Variants in CCDC148 observed in about 807,000 individuals in gnomAD.
The protein encoded by CCDC148 is coiled-coil domain containing 148.
A neutral mutation model predicts 85.7 loss-of-function variants in CCDC148; 89 were observed. The ratio of observed to expected loss-of-function variants is 1.04; its 90% CI spans 0.87 to 1.24. The LOEUF (loss-of-function observed/expected upper bound fraction) is 1.24. Ranked by LOEUF, CCDC148 falls within the 50% of genes most tolerant of loss-of-function variation. The pLI is 0.00. For synonymous variants in CCDC148, 230 were observed against 213.9 expected (o/e 1.08, Z -0.66); for missense variants, 692 against 671.7 (o/e 1.03, Z -0.33).
At chr2:158,243,234 C>A (rs1227767513) in intron 10 of CCDC148, among the ~76,000 whole-genome samples, 2 of 152,078 alleles carry the variant, frequency 1.3e-5, no homozygotes, top group Admixed American at 6.6e-5. Context: ...GTCTCTAATA[C>A]CTGGGCTATT....
chr2:158,235,070 C>A (rs1474007787), intron 10 of CCDC148, among the ~76,000 whole-genome samples: 2 of 152,112 alleles, frequency 1.3e-5, no homozygotes, highest in Non-Finnish European at 2.9e-5. Context: ...ACAACAAACA[C>A]CCATGAAACA....
At chr2:158,263,036 C>T (rs938567443) in intron 9 of CCDC148, among the ~76,000 whole-genome samples, 2 of 152,072 alleles carry the variant, frequency 1.3e-5, no homozygotes, top group Non-Finnish European at 2.9e-5. Context: ...ACAGAACACA[C>T]TTCCTTCCAC....
At chr2:158,390,443 GA>G (rs1307546491) in intron 1 of CCDC148, among the ~76,000 whole-genome samples, 2 of 152,088 alleles carry the variant, frequency 1.3e-5, no homozygotes, top group African/African-American at 2.4e-5. Context: ...ATAAAAGTGG[GA>G]AAGTCAAAAA....
intron 7 of CCDC148, among the ~76,000 whole-genome samples, chr2:158,334,813 T>C (rs1693335632): frequency 6.6e-6 from 1 of 152,020 alleles, no homozygotes; most frequent in Non-Finnish European, 1.5e-5. Context: ...AAAAAATATA[T>C]ATATTTATAT....
intron 2 of CCDC148, among the ~76,000 whole-genome samples, chr2:158,348,046 C>T (rs529246111): frequency 2.0e-5 from 3 of 151,986 alleles, no homozygotes; most frequent in African/African-American, 4.8e-5. Flanking sequence ...GATACAACCC[C>T]CATAGAAGGG....
At chr2:158,336,405 T>C (rs184637984) in intron 7 of CCDC148, among the ~76,000 whole-genome samples, 1 of 152,286 alleles carries the variant, frequency 6.6e-6, no homozygotes, top group Non-Finnish European at 1.5e-5. Flanking sequence ...AAATATTTTC[T>C]TTAGTTGACA....
chr2:158,216,309 T>A (rs553806015), intron 11 of CCDC148, among the ~76,000 whole-genome samples: 2 of 151,804 alleles, frequency 1.3e-5, no homozygotes, highest in East Asian at 3.9e-4. Context: ...AAAATATTTT[T>A]AAAAATATTC....
Position 158,298,078 on chromosome 2 carries a change from G to A in CCDC148, c.1110+11355C>T, listed in dbSNP as rs1157382822. 2.0e-5 allele frequency among the ~76,000 whole-genome samples: 3 copies of A among 152,184 alleles called. No individual in the cohort carries two copies. The East Asian group carries it at 5.8e-4, about 29-fold the overall frequency. ...CATGTCCTTCTTCACATGGTATCAG[G>A]AGAGAGAATGAGTGCCCAGCAAAGG... On this transcript the variant is annotated intron_variant, in intron 9 of 13. Coordinates refer to ENST00000283233, the MANE Select transcript of CCDC148 (RefSeq NM_138803.4).
At chr2:158,349,489 T>C (rs939436914) in intron 2 of CCDC148, among the ~76,000 whole-genome samples, 2 of 151,934 alleles carry the variant, frequency 1.3e-5, no homozygotes, top group African/African-American at 4.8e-5. Flanking sequence ...ACTATTATAA[T>C]AATAATTCTA....
intron 9 of CCDC148, among the ~76,000 whole-genome samples, chr2:158,267,898 C>T (rs1274214704): frequency 1.3e-5 from 2 of 152,152 alleles, no homozygotes; most frequent in African/African-American, 4.8e-5. Flanking sequence ...ATCTGATGCT[C>T]ATCCATGTTG....
intron 8 of CCDC148, among the ~76,000 whole-genome samples, chr2:158,310,184 T>G (rs1691909614): frequency 6.6e-6 from 1 of 152,168 alleles, no homozygotes; most frequent in Non-Finnish European, 1.5e-5. Flanking sequence ...GCACCGCCCT[T>G]AATCCATTTA....
At chr2:158,345,950 T>A (rs549037412) in intron 2 of CCDC148, among the ~76,000 whole-genome samples, 5 of 152,208 alleles carry the variant, frequency 3.3e-5, no homozygotes, top group African/African-American at 4.8e-5. Flanking sequence ...TGTAAAAAAA[T>A]TTTTTTAATT....
At chr2:158,290,972 C>T (rs1690863792) in intron 9 of CCDC148, among the ~76,000 whole-genome samples, 1 of 152,104 alleles carries the variant, frequency 6.6e-6, no homozygotes, top group South Asian at 2.1e-4. Context: ...TTTATCTCCA[C>T]CTCTATCACC....
chr2:158,402,945 T>G (rs558725008), intron 1 of CCDC148, among the ~76,000 whole-genome samples: 1 of 152,070 alleles, frequency 6.6e-6, no homozygotes, highest in Non-Finnish European at 1.5e-5. Flanking sequence ...CCCAGTCCAG[T>G]GAATTAAACA....
intron 9 of CCDC148, among the ~76,000 whole-genome samples, chr2:158,255,525 G>C (rs569379300): frequency 6.6e-6 from 1 of 151,844 alleles, no homozygotes; most frequent in Non-Finnish European, 1.5e-5. Flanking sequence ...TCCATGTGGA[G>C]AGAATGACAA....
intron 9 of CCDC148, among the ~76,000 whole-genome samples, chr2:158,255,152 A>C (rs1688960534): frequency 6.6e-6 from 1 of 151,738 alleles, no homozygotes; most frequent in African/African-American, 2.4e-5. Context: ...AAAACAAAAA[A>C]CAAAAACCCT....
At chr2:158,258,305 A>G (rs974636655) in intron 9 of CCDC148, among the ~76,000 whole-genome samples, 2 of 151,900 alleles carry the variant, frequency 1.3e-5, no homozygotes, top group African/African-American at 4.8e-5. Flanking sequence ...TCCCAATGCT[A>G]AGGTTCTATG....
intron 11 of CCDC148, among the ~76,000 whole-genome samples, chr2:158,195,476 GT>G (rs1345243348): frequency 1.3e-5 from 2 of 151,952 alleles, no homozygotes; most frequent in Non-Finnish European, 2.9e-5. Context: ...TCCCTGTGAA[GT>G]TTTGCGTTTT....
chr2:158,208,924 C>T lies in CCDC148; in HGVS notation c.1370+11671G>A, dbSNP rs555780971. On this transcript the variant is annotated intron_variant, in intron 11 of 13. Coordinates refer to ENST00000283233, the MANE Select transcript of CCDC148 (RefSeq NM_138803.4). ...TCCTCCCAGTTTCAAAATTATATGA[C>T]GCTGTAAAACTTATATTAGAATATA... 2.0e-4 allele frequency among the ~76,000 whole-genome samples: 31 copies of T among 151,968 alleles called. No individual in the cohort carries two copies. The South Asian group carries it at 3.7e-3, about 18-fold the overall frequency.
Sources: allele counts gnomAD v4.1 joint callset (sites outside exome capture counted in the v4.1 genomes callset), GRCh38; gene constraint gnomAD v4.1.1; transcripts MANE v1.5; gene names NCBI Gene and HGNC (gene_info 2026-07-23, HGNC 2026-07-21).